The following WDR7 variants were observed in gnomAD, a reference collection of about 807,000 sequenced individuals.
WDR7 encodes WD repeat domain 7.
WDR7 carries 46 observed loss-of-function variants against 169.4 expected under a neutral mutation model. The observed-to-expected ratio is 0.27, with a 90% CI of 0.21 to 0.35. The LOEUF is 0.35. Ranked by LOEUF, WDR7 falls within the 10% of genes least tolerant of loss-of-function variation. WDR7 has a pLI of 1.00. For synonymous variants in WDR7, 612 were observed against 666.8 expected, an observed-to-expected ratio of 0.92 and a Z score of 1.27; for missense variants, 1,534 against 1,859.3, an observed-to-expected ratio of 0.83 and a Z score of 3.22.
chr18:56,811,309 ACT>A (rs1207148038), intron 19 of WDR7, among the ~76,000 whole-genome samples: 2 of 151,920 alleles, frequency 1.3e-5, no homozygotes, highest in Admixed American at 6.6e-5. Context: ...TCACATGGTA[ACT>A]CTATGTTTAA....
intron 16 of WDR7, among the ~76,000 whole-genome samples, chr18:56,776,183 TA>T (rs369267320): frequency 0.11 from 16,043 of 144,614 alleles, 938 homozygotes; most frequent in Middle Eastern, 0.15. Context: ...GTGAAATAAT[TA>T]AAAAAAAAAA....
At chr18:56,916,924 G>A (rs564423174) in intron 21 of WDR7, among the ~76,000 whole-genome samples, 22 of 152,136 alleles carry the variant, frequency 1.4e-4, no homozygotes, top group Non-Finnish European at 2.2e-4. Context: ...TTAGCCGGGC[G>A]TGGTGGCTCA....
chr18:57,011,515 A>T (rs2048135317), intron 26 of WDR7, among the ~76,000 whole-genome samples: 1 of 152,236 alleles, frequency 6.6e-6, no homozygotes, highest in South Asian at 2.1e-4. Context: ...CTGAATATAT[A>T]TTCTTTTCAA....
chr18:56,923,315 T>A lies in WDR7; in HGVS notation c.3527-607T>A, dbSNP rs73438774. Among the ~76,000 whole-genome samples the A allele has an allele frequency of 3.6e-3, 541 of 152,310 alleles. 3 individuals carry two copies. The highest frequency in any genetic ancestry group is 0.013 in the African/African-American group (523 of 41,556). ...TAAGATCTAGGTCATCTTACCAGAT[T>A]TAGAAATAATATTGAACTATTAACA... On this transcript the variant is annotated intron_variant, in intron 21 of 27. Transcript: ENST00000254442.
intron 12 of WDR7, among the ~76,000 whole-genome samples, chr18:56,717,186 T>A (rs2026212454): frequency 6.6e-6 from 1 of 152,234 alleles, no homozygotes; most frequent in African/African-American, 2.4e-5. Flanking sequence ...AAGTTAAGTT[T>A]TCAATTGTTT....
chr18:56,797,259 G>T (rs1177346830), intron 19 of WDR7, among the ~76,000 whole-genome samples: 1 of 152,036 alleles, frequency 6.6e-6, no homozygotes, highest in Non-Finnish European at 1.5e-5. Flanking sequence ...ATGTAGAAGG[G>T]GCCCCTGTGA....
intron 20 of WDR7, 101 bp from the exon 21 acceptor site, chr18:56,879,843 T>C (rs1179903381): frequency 1.1e-6 from 1 of 898,726 alleles, no homozygotes; most frequent in African/African-American, 1.7e-5. Flanking sequence ...TTGCTGAAAA[T>C]GCTATTCTTT....
intron 20 of WDR7, among the ~76,000 whole-genome samples, chr18:56,861,023 A>G (rs551789591): frequency 6.6e-6 from 1 of 152,230 alleles, no homozygotes; most frequent in South Asian, 2.1e-4. Flanking sequence ...TTTGCTTTCT[A>G]TTTCACAAAT....
At chr18:56,987,262 A>G (rs1465246413) in intron 26 of WDR7, among the ~76,000 whole-genome samples, 1 of 140,538 alleles carries the variant, frequency 7.1e-6, no homozygotes, top group African/African-American at 2.6e-5. Context: ...GGTATTGCAA[A>G]GGTTAAGCCT....
chr18:56,861,130 C>A (rs377578970), intron 20 of WDR7, among the ~76,000 whole-genome samples: 6 of 118,108 alleles, frequency 5.1e-5, no homozygotes, highest in African/African-American at 6.2e-5. Flanking sequence ...AGTTTATATT[C>A]TTTTTCTAAT....
At chr18:56,908,973 T>C (rs2046517233) in intron 21 of WDR7, among the ~76,000 whole-genome samples, 1 of 152,178 alleles carries the variant, frequency 6.6e-6, no homozygotes, top group South Asian at 2.1e-4. Context: ...TTGAAGAAAG[T>C]AACTAAGGAA....
At position 56,861,363 on chromosome 18, in the gene WDR7, G is replaced by A. The variant is rs555362239; in HGVS notation, c.3305-18581G>A. On this transcript the variant is annotated intron_variant, in intron 20 of 27. Coordinates refer to ENST00000254442, the MANE Select transcript of WDR7 (RefSeq NM_015285.3). ...TAATTGACTGAAAGCCAAATAGAGT[G>A]TGTTCTGTATTCAGCACTAAGGCTA... 5.9e-5 allele frequency among the ~76,000 whole-genome samples: 9 copies of A among 152,322 alleles called. No individual in the cohort carries two copies. The South Asian group carries it at 1.0e-3, about 18-fold the overall frequency.
chr18:57,009,936 C>A (rs983803798), intron 26 of WDR7: 6 of 985,352 alleles, frequency 6.1e-6, no homozygotes, highest in Non-Finnish European at 6.0e-6. Context: ...TAACCATAAC[C>A]CAAATCAAAA....
intron 14 of WDR7, among the ~76,000 whole-genome samples, chr18:56,738,012 T>A (rs1245815223): frequency 1.3e-5 from 2 of 152,178 alleles, no homozygotes; most frequent in Non-Finnish European, 2.9e-5. Context: ...CTGTGGTTAT[T>A]GGGACAAAAT....
At chr18:56,907,668 C>T (rs1432183057) in intron 21 of WDR7, among the ~76,000 whole-genome samples, 7 of 152,070 alleles carry the variant, frequency 4.6e-5, no homozygotes, top group African/African-American at 9.7e-5. Context: ...ATGTATTGCT[C>T]GGCAGTTCTG....
intron 21 of WDR7, among the ~76,000 whole-genome samples, chr18:56,916,123 T>A (rs186848863): frequency 5.9e-5 from 9 of 152,212 alleles, no homozygotes; most frequent in African/African-American, 2.2e-4. Flanking sequence ...TTAGACAAAA[T>A]TTTTTTTATT....
intron 20 of WDR7, among the ~76,000 whole-genome samples, chr18:56,849,588 T>G (rs1043641216): frequency 1.3e-5 from 2 of 152,212 alleles, no homozygotes; most frequent in Non-Finnish European, 1.5e-5. Flanking sequence ...ACTCCAGGAT[T>G]ACCATCCTAG....
At chr18:56,992,617 T>C (rs1336468768) in intron 26 of WDR7, among the ~76,000 whole-genome samples, 2 of 152,166 alleles carry the variant, frequency 1.3e-5, no homozygotes, top group African/African-American at 2.4e-5. Context: ...ACGGAACATA[T>C]AACGGTAATG....
At chr18:56,661,213 A>G (rs1451386493) in intron 1 of WDR7, among the ~76,000 whole-genome samples, 2 of 152,172 alleles carry the variant, frequency 1.3e-5, no homozygotes, top group African/African-American at 4.8e-5. Flanking sequence ...AAATGAGATT[A>G]GAGGTGGGTG....
Sources: allele counts gnomAD v4.1 joint callset (sites outside exome capture counted in the v4.1 genomes callset), GRCh38; gene constraint gnomAD v4.1.1; transcripts MANE v1.5; gene names NCBI Gene and HGNC (gene_info 2026-07-23, HGNC 2026-07-21).